The following HECTD4 variants were observed in gnomAD, a reference collection of about 807,000 sequenced individuals.
HECTD4 encodes HECT domain E3 ubiquitin protein ligase 4.
A neutral mutation model predicts 471.5 loss-of-function variants in HECTD4; 114 were observed. The ratio of observed to expected loss-of-function variants is 0.24; its 90% CI spans 0.21 to 0.28. The LOEUF (loss-of-function observed/expected upper bound fraction) is 0.28, where lower values mean the gene tolerates loss of function less well. Among genes scored for constraint, HECTD4 ranks in the 10% least tolerant of loss-of-function variants. The pLI, the probability that HECTD4 is intolerant of heterozygous loss-of-function variation, is 1.00. For synonymous variants in HECTD4, 2,012 were observed against 2,256.0 expected, an observed-to-expected ratio of 0.89 and a Z score of 3.07; for missense variants, 3,866 against 5,651.5, an observed-to-expected ratio of 0.68 and a Z score of 10.13.
chr12:112,218,691 T>C (rs1206595138), intron 45 of HECTD4, among the ~76,000 whole-genome samples: 1 of 152,226 alleles, frequency 6.6e-6, no homozygotes, highest in Non-Finnish European at 1.5e-5. Flanking sequence ...CTGTTGTGAA[T>C]AATGCTGCTA....
Position 112,163,862 on chromosome 12 carries a change from G to T in HECTD4, c.12702-125C>A. ...AGAGGCCTGGGGCCCAGCCGCCCTG[G>T]TCATCCCAGTCCTTTCCTGCCTCTG... On this transcript the variant is annotated intron_variant, in intron 73 of 75. Transcript: ENST00000682272. This position sits in a 1 kb window ranked among gnomAD's most constrained non-coding sequence, Gnocchi z 8.2. 1 of 944,938 alleles carries T rather than the reference G, an allele frequency of 1.1e-6. No individual in the cohort carries two copies. The highest frequency in any genetic ancestry group is 1.5e-6 in the Non-Finnish European group (1 of 676,472). 58.5% of individuals were successfully genotyped at this position (944,938 alleles called of 1,614,324 possible). A position where few individuals can be genotyped will look rare whatever the true frequency, so the allele number is the denominator to read the frequency against.
chr12:112,226,736 G>T lies in HECTD4; in HGVS notation c.6877C>A (p.Leu2293Ile). ...RTRACLVMAQ[L>I]LEDSLFCEEF... is the part of the protein sequence containing the mutation. ...TCACAAAATAAGCTGTCTTCTAAAA[G>T]CTGGGCCATGACCAGGCATGCTCTT... The change falls in exon 44 of 76, where the codon CTT (leucine) becomes ATT (isoleucine). Residue 2293 changes from leucine to isoleucine, a missense_variant. Around this residue, in one of 16 missense-constraint regions of HECTD4, gnomAD observed 617 missense variants for 915.1 expected, o/e 0.67. Transcript: ENST00000682272. The T allele has an allele frequency of 6.2e-7, 1 of 1,612,144 alleles. No homozygotes were observed.
intron 1 of HECTD4, among the ~76,000 whole-genome samples, chr12:112,352,823 T>C (rs1346696808): frequency 6.6e-6 from 1 of 151,790 alleles, no homozygotes; most frequent in African/African-American, 2.4e-5. Context: ...CCAGGGCTGG[T>C]CTCGAACTCC....
At chr12:112,280,560 G>A (rs1297092892) in intron 8 of HECTD4, among the ~76,000 whole-genome samples, 1 of 151,586 alleles carries the variant, frequency 6.6e-6, no homozygotes, top group African/African-American at 2.4e-5. Flanking sequence ...GAATGCTTGT[G>A]CTTCTAAAAA....
chr12:112,381,010 C>T lies in HECTD4; in HGVS notation c.177+942G>A, dbSNP rs1316982874. 6.6e-6 allele frequency among the ~76,000 whole-genome samples: 1 copy of T among 152,148 alleles called. No individual in the cohort carries two copies. The highest frequency in any genetic ancestry group is 1.9e-4 in the East Asian group (1 of 5,202). ...CCTTACGGCAGTAAAAATTTGATGA[C>T]ACCCCATGCTACCTACACATCAAAA... On this transcript the variant is annotated intron_variant, in intron 1 of 75. Coordinates refer to ENST00000682272, the MANE Select transcript of HECTD4 (RefSeq NM_001388303.1). This position sits in a 1 kb window ranked among gnomAD's most constrained non-coding sequence, Gnocchi z 4.1.
rs185693374 is a variant in HECTD4, at chr12:112,195,262, C to T, written c.8568-196G>A. The stretch of plus-strand genomic sequence containing the variant: ...TTATATTGTTACGTTTGATTTTTCC[C>T]AGCTCAAAAAAGCACTGTAGGGAAA... On this transcript the variant is annotated intron_variant, in intron 55 of 75. Coordinates refer to ENST00000682272, the MANE Select transcript of HECTD4 (RefSeq NM_001388303.1). 3.7e-3 allele frequency among the ~76,000 whole-genome samples: 560 copies of T among 152,210 alleles called. 6 individuals are homozygous for T. The highest frequency in any genetic ancestry group is 0.013 in the African/African-American group (545 of 41,546).
At chr12:112,169,909 C>T in intron 69 of HECTD4, 1 of 590,318 alleles carries the variant, frequency 1.7e-6, no homozygotes, top group Non-Finnish European at 3.0e-6. Flanking sequence ...CTAGAGGCTT[C>T]CCTCTGCCTC....
intron 1 of HECTD4, among the ~76,000 whole-genome samples, chr12:112,357,786 A>G (rs1303931770): frequency 6.6e-6 from 1 of 152,244 alleles, no homozygotes; most frequent in Non-Finnish European, 1.5e-5. Context: ...GTTACTTACA[A>G]AATGCTAATG....
At chr12:112,187,818 C>G (rs529917251) in intron 60 of HECTD4, among the ~76,000 whole-genome samples, 33 of 148,854 alleles carry the variant, frequency 2.2e-4, no homozygotes, top group East Asian at 1.0e-3. Flanking sequence ...AGTAGAGACA[C>G]GGTTTCACTG....
intron 1 of HECTD4, among the ~76,000 whole-genome samples, chr12:112,376,581 C>T (rs1057092495): frequency 2.6e-5 from 4 of 152,180 alleles, no homozygotes; most frequent in Non-Finnish European, 4.4e-5. Context: ...TAGTAAGATC[C>T]AAAGCCCTCA....
intron 73 of HECTD4, 55 bp downstream of exon 73, chr12:112,164,054 C>T: frequency 3.6e-6 from 5 of 1,376,452 alleles, no homozygotes; most frequent in Non-Finnish European, 4.7e-6. Context: ...CTGTCATACC[C>T]TGGCTGGCTG....
Position 112,169,507 on chromosome 12 carries a change from G to T in HECTD4, c.12204C>A (p.Gly4068=). The T allele has an allele frequency of 1.2e-6, 2 of 1,608,818 alleles. No individual in the cohort carries two copies. Among genetic ancestry groups the T allele is most frequent in the Non-Finnish European group, 8.5e-7 (1 of 1,177,254 alleles). ...NIRFTGEEVH[G]TSGSFRHFLW... ...GCCTGGCGGGCCACCACTTACTGGT[G>T]CCATGGACCTCCTCGCCAGTGAAGC... Residue 4068 remains glycine (G), a synonymous_variant, in exon 70 of 76, where the codon GGC becomes GGA. Transcript: ENST00000682272.
In HECTD4 at chr12:112,163,189, A is replaced by C; in HGVS notation, c.12973T>G (p.Phe4325Val). 6.2e-7 allele frequency: 1 copy of C among 1,613,922 alleles called. No homozygotes were observed. The highest frequency in any genetic ancestry group is 2.2e-5 in the East Asian group (1 of 44,880). The part of the protein sequence containing the change: ...IEFFWGALEM[F>V]TQEELCKFIK... ...AACTTGCACAGCTCCTCCTGGGTGA[A>C]CATCTCCAGGGCCCCCCAGAAGAAC... is the stretch of plus-strand genomic sequence containing the variant. The change falls in exon 75 of 76, where the codon TTC becomes GTC. Residue 4325 changes from phenylalanine (F) to valine (V), a missense_variant. By Grantham distance (50) the Phe-to-Val change is conservative. This residue lies in a region of HECTD4 where 715 missense variants were observed against 1,087.6 expected (regional missense o/e 0.66). Transcript: ENST00000682272. This position sits in a 1 kb window ranked among gnomAD's most constrained non-coding sequence, Gnocchi z 8.2.
At position 112,259,141 on chromosome 12, in the gene HECTD4, G is replaced by A. The variant is rs767964494; in HGVS notation, c.2998C>T (p.Leu1000=). 9.9e-6 allele frequency: 16 copies of A among 1,613,506 alleles called. No homozygotes were observed. In the South Asian group the frequency reaches 1.5e-4, roughly 16 times the overall value. The change falls in exon 19 of 76, where the codon CTA becomes TTA. Residue 1000 remains leucine (L), a synonymous_variant. Transcript: ENST00000682272. The part of the protein sequence containing the change: ...LIMADALMPQ[L]VQLVLYTSQT... The stretch of plus-strand genomic sequence containing the variant: ...CTGGTATAGAGTACCAGCTGCACTA[G>A]CTGAGGCATCAGGGCATCCGCCATG...
At chr12:112,379,313 G>A (rs2036846068) in intron 1 of HECTD4, among the ~76,000 whole-genome samples, 1 of 152,172 alleles carries the variant, frequency 6.6e-6, no homozygotes, top group Non-Finnish European at 1.5e-5. Context: ...TGTACAATGA[G>A]TGCAATATTT....
At chr12:112,378,238 T>TGA (rs1357678590) in intron 1 of HECTD4, among the ~76,000 whole-genome samples, 1 of 152,086 alleles carries the variant, frequency 6.6e-6, no homozygotes, top group Non-Finnish European at 1.5e-5. Context: ...TTTCTTTTTT[T>TGA]GACGGAGTCT....
At chr12:112,241,416 G>A (rs982552926) in intron 32 of HECTD4, among the ~76,000 whole-genome samples, 3 of 152,146 alleles carry the variant, frequency 2.0e-5, no homozygotes, top group African/African-American at 4.8e-5. Flanking sequence ...TGATTACCAT[G>A]AGCCAGCATG....
chr12:112,229,485 T>C (rs1201219393), intron 41 of HECTD4, among the ~76,000 whole-genome samples: 3 of 152,248 alleles, frequency 2.0e-5, no homozygotes, highest in Non-Finnish European at 4.4e-5. Context: ...AGTATTGTAG[T>C]TAACCTAAGA....
chr12:112,183,098 G>A lies in HECTD4; in HGVS notation c.10948C>T (p.Pro3650Ser), dbSNP rs2031736689. ...TCATTGAAATAATCTTCTAACCCTGGGCTCCCTTGAGTATCAAAGAGACTC... is the reference window on the plus strand; with the variant it reads ...TCATTGAAATAATCTTCTAACCCTGAGCTCCCTTGAGTATCAAAGAGACTC... ...NQSLFDTQGS[P>S]GLEDYFNDKS... The change falls in exon 62 of 76, where the codon CCA (proline) becomes TCA (serine). Residue 3650 changes from proline (P) to serine (S), a missense_variant. This residue lies in a region of HECTD4 where 715 missense variants were observed against 1,087.6 expected (regional missense o/e 0.66). Transcript: ENST00000682272. The A allele has an allele frequency of 1.2e-6, 2 of 1,613,408 alleles. No homozygotes were observed. Among genetic ancestry groups the A allele is most frequent in the Non-Finnish European group, 1.7e-6 (2 of 1,179,574 alleles).
Sources: allele counts gnomAD v4.1 joint callset (sites outside exome capture counted in the v4.1 genomes callset), GRCh38; gene constraint gnomAD v4.1.1; regional missense constraint gnomAD v4.1.1; non-coding constraint Gnocchi (gnomAD v3.1); transcripts MANE v1.5; gene names NCBI Gene and HGNC (gene_info 2026-07-23, HGNC 2026-07-21).